The following ANKFN1 variants were observed in gnomAD, a reference collection of about 807,000 sequenced individuals.
ANKFN1 encodes ankyrin repeat and fibronectin type-III domain-containing protein 1.
In ANKFN1, 74 loss-of-function variants were observed where a neutral mutation model predicts 108.7. The ratio of observed to expected loss-of-function variants is 0.68; its 90% CI spans 0.56 to 0.83. The LOEUF is 0.83. Among genes scored for constraint, ANKFN1 ranks in the 40% least tolerant of loss-of-function variants. The probability of loss-of-function intolerance (pLI) is 0.00; values close to 1 mark genes in which losing one functional copy is unlikely to be tolerated. For missense variants in ANKFN1, 1,505 were observed against 1,382.3 expected (o/e 1.09, Z -1.41); for synonymous variants, 547 against 516.2 (o/e 1.06, Z -0.81).
intron 3 of ANKFN1, among the ~76,000 whole-genome samples, chr17:56,304,943 T>A (rs1366442208): frequency 6.6e-6 from 1 of 152,200 alleles, no homozygotes; most frequent in Non-Finnish European, 1.5e-5. Context: ...TCTAGATACT[T>A]GTTCTTTGTC....
chr17:56,057,124 A>T (rs1904893792), intron 4 of ANKFN1, among the ~76,000 whole-genome samples: 1 of 152,182 alleles, frequency 6.6e-6, no homozygotes, highest in Admixed American at 6.5e-5. Context: ...TCTACTCAAG[A>T]TTTATCATGA....
rs532115790 is a variant in ANKFN1, at chr17:56,331,980, C to T, written c.188+5625C>T. Among the ~76,000 whole-genome samples, 5 of 152,124 alleles carry T rather than the reference C, an allele frequency of 3.3e-5. 1 individual carries two copies. The South Asian group carries it at 1.0e-3, about 32-fold the overall frequency. ...TTATATATGTTGGCTTCCAGGTAGC[C>T]CTCAGAACAGTCTATAGCAAGCAAT... On this transcript the variant is annotated intron_variant, in intron 4 of 20. Transcript: ENST00000682825.
Position 56,470,210 on chromosome 17 carries a change from C to T in ANKFN1, c.1773+3639C>T, listed in dbSNP as rs570302027. The stretch of plus-strand genomic sequence containing the variant: ...TCATTGATGGGCATTTGAGTTGATT[C>T]CATGTCTTTGCTATGGGAAATAATG... On this transcript the variant is annotated intron_variant, in intron 15 of 20. Coordinates refer to ENST00000682825, the MANE Select transcript of ANKFN1 (RefSeq NM_001370326.1). Among the ~76,000 whole-genome samples, 31 of 152,222 alleles carry T rather than the reference C, an allele frequency of 2.0e-4. No individual in the cohort carries two copies. The South Asian group carries it at 5.6e-3, about 28-fold the overall frequency.
intron 14 of ANKFN1, among the ~76,000 whole-genome samples, chr17:56,461,180 AT>A (rs2049890753): frequency 6.6e-6 from 1 of 152,320 alleles, no homozygotes; most frequent in East Asian, 1.9e-4. Flanking sequence ...ACAGTCTAGT[AT>A]TTGCTGGAGA....
At chr17:56,054,595 A>ATTTTTTT (rs1361916325) in intron 4 of ANKFN1, among the ~76,000 whole-genome samples, 1 of 152,224 alleles carries the variant, frequency 6.6e-6, no homozygotes, top group Non-Finnish European at 1.5e-5. Flanking sequence ...AAAAAAATCA[A>ATTTTTTT]TGTATATACC....
intron 1 of ANKFN1, among the ~76,000 whole-genome samples, chr17:56,196,460 G>A (rs2110214): frequency 0.71 from 108,028 of 151,994 alleles, 38,887 homozygotes; most frequent in East Asian, 0.94. Flanking sequence ...AGGGCCAGGC[G>A]TGGTGGCTCA....
intron 16 of ANKFN1, among the ~76,000 whole-genome samples, chr17:56,480,119 T>C (rs1165982752): frequency 6.6e-6 from 1 of 152,218 alleles, no homozygotes; most frequent in Non-Finnish European, 1.5e-5. Flanking sequence ...GTGATATGCA[T>C]CCCTTGGTTC....
chr17:56,199,575 C>T (rs1161541229), intron 1 of ANKFN1, among the ~76,000 whole-genome samples: 6 of 152,082 alleles, frequency 3.9e-5, no homozygotes, highest in African/African-American at 1.4e-4. Flanking sequence ...CCTCCTTTTC[C>T]TGGCATTTGA....
intron 8 of ANKFN1, among the ~76,000 whole-genome samples, chr17:56,412,114 A>G (rs1249509031): frequency 1.3e-5 from 2 of 152,084 alleles, no homozygotes; most frequent in East Asian, 3.9e-4. Context: ...AGATTCAAGG[A>G]TTTTCTTTGA....
intron 15 of ANKFN1, among the ~76,000 whole-genome samples, chr17:56,468,265 C>T (rs1293748651): frequency 6.6e-6 from 1 of 152,094 alleles, no homozygotes; most frequent in East Asian, 1.9e-4. Flanking sequence ...TACTGAATAG[C>T]CACCAAAATT....
chr17:56,425,983 C>G (rs1233720811), intron 8 of ANKFN1, among the ~76,000 whole-genome samples: 1 of 152,174 alleles, frequency 6.6e-6, no homozygotes, highest in East Asian at 1.9e-4. Flanking sequence ...AATCAGCACA[C>G]TATATTTAAA....
chr17:56,055,216 T>G (rs1387621954), intron 4 of ANKFN1, among the ~76,000 whole-genome samples: 1 of 152,024 alleles, frequency 6.6e-6, no homozygotes, highest in South Asian at 2.1e-4. Context: ...CTTGCCCACC[T>G]CCCGTTCTCC....
intron 19 of ANKFN1, among the ~76,000 whole-genome samples, chr17:56,493,646 G>C: frequency 6.6e-6 from 1 of 152,066 alleles, no homozygotes; most frequent in East Asian, 1.9e-4. Context: ...AAGTTTTGAA[G>C]AAAGTTAAGT....
chr17:56,086,693 T>A (rs1255718612), intron 4 of ANKFN1, among the ~76,000 whole-genome samples: 9 of 151,344 alleles, frequency 5.9e-5, no homozygotes, highest in Non-Finnish European at 4.4e-5. Context: ...GCCCACGATG[T>A]CTTCTTTTTT....
chr17:56,258,636 C>T (rs1015590916), intron 3 of ANKFN1, among the ~76,000 whole-genome samples: 3 of 152,136 alleles, frequency 2.0e-5, no homozygotes, highest in African/African-American at 4.8e-5. Flanking sequence ...AGAGGTCAGG[C>T]GCGGTGGCTC....
At chr17:56,113,114 A>G (rs1230899441) in intron 4 of ANKFN1, among the ~76,000 whole-genome samples, 1 of 152,138 alleles carries the variant, frequency 6.6e-6, no homozygotes, top group Non-Finnish European at 1.5e-5. Flanking sequence ...GGTGTGTGTG[A>G]TGGTGCCCTT....
At chr17:56,080,441 T>C (rs1021087591) in intron 4 of ANKFN1, among the ~76,000 whole-genome samples, 1 of 152,218 alleles carries the variant, frequency 6.6e-6, no homozygotes, top group Non-Finnish European at 1.5e-5. Flanking sequence ...GATTCAGGAA[T>C]ATTATTCAGC....
intron 3 of ANKFN1, among the ~76,000 whole-genome samples, chr17:56,251,060 A>G (rs1381377747): frequency 6.6e-6 from 1 of 152,134 alleles, no homozygotes. Context: ...TAGCTTTGCA[A>G]TGGCATAAAA....
At chr17:56,296,706 A>C (rs2044520442) in intron 3 of ANKFN1, among the ~76,000 whole-genome samples, 1 of 152,020 alleles carries the variant, frequency 6.6e-6, no homozygotes, top group Non-Finnish European at 1.5e-5. Flanking sequence ...AACAAACAAC[A>C]ACAACAACAA....
Sources: allele counts gnomAD v4.1 joint callset (sites outside exome capture counted in the v4.1 genomes callset), GRCh38; gene constraint gnomAD v4.1.1; transcripts MANE v1.5; gene names NCBI Gene and HGNC (gene_info 2026-07-23, HGNC 2026-07-21).